ALK: variants seen among roughly 807,000 people sequenced by gnomAD.
The protein encoded by ALK is ALK tyrosine kinase receptor.
ALK carries 74 observed loss-of-function variants against 163.1 expected under a neutral mutation model. The observed-to-expected ratio is 0.45, with a 90% CI of 0.38 to 0.55. ALK has a LOEUF of 0.55. Among genes scored for constraint, ALK ranks in the 20% least tolerant of loss-of-function variants. ALK has a pLI of 0.00. For missense variants in ALK, 2,063 were observed against 2,105.3 expected, an observed-to-expected ratio of 0.98 and a Z score of 0.39; for synonymous variants, 960 against 843.2, an observed-to-expected ratio of 1.14 and a Z score of -2.40.
intron 4 of ALK, among the ~76,000 whole-genome samples, chr2:29,394,419 T>A (rs1467114074): frequency 6.6e-6 from 1 of 152,100 alleles, no homozygotes; most frequent in Admixed American, 6.5e-5. Flanking sequence ...TTTCTGTTTC[T>A]CTAAATTTTG....
intron 5 of ALK, among the ~76,000 whole-genome samples, chr2:29,382,995 A>G (rs1020470744): frequency 2.0e-5 from 3 of 152,156 alleles, no homozygotes; most frequent in Non-Finnish European, 4.4e-5. Flanking sequence ...CAGAGGCACA[A>G]AGTTCAAATC....
intron 6 of ALK, among the ~76,000 whole-genome samples, chr2:29,322,392 T>C (rs1667086892): frequency 2.6e-5 from 4 of 152,130 alleles, no homozygotes; most frequent in Admixed American, 2.6e-4. Context: ...GCCCCACATG[T>C]TTCTATGATT....
intron 1 of ALK, among the ~76,000 whole-genome samples, chr2:29,906,109 A>C (rs1007336525): frequency 6.7e-6 from 1 of 150,246 alleles, no homozygotes; most frequent in African/African-American, 2.4e-5. Context: ...ATCTGGGGCC[A>C]TGCTTTAAGA....
chr2:29,773,908 T>C (rs1572367811), intron 1 of ALK, among the ~76,000 whole-genome samples: 1 of 152,200 alleles, frequency 6.6e-6, no homozygotes, highest in Non-Finnish European at 1.5e-5. Context: ...ACTGGGATGG[T>C]GCCAGATTTA....
chr2:29,588,324 A>G (rs926028522), intron 3 of ALK, among the ~76,000 whole-genome samples: 1 of 152,228 alleles, frequency 6.6e-6, no homozygotes, highest in South Asian at 2.1e-4. Context: ...CCCACCCACC[A>G]GGTTCAAGCG....
intron 5 of ALK, among the ~76,000 whole-genome samples, chr2:29,339,370 G>T (rs1288199152): frequency 6.6e-6 from 1 of 152,194 alleles, no homozygotes; most frequent in African/African-American, 2.4e-5. Flanking sequence ...GGGTGTGAAA[G>T]GATGTTCCTG....
chr2:29,810,750 T>G (rs1167989379), intron 1 of ALK, among the ~76,000 whole-genome samples: 1 of 152,134 alleles, frequency 6.6e-6, no homozygotes, highest in Non-Finnish European at 1.5e-5. Context: ...ACATTATGGA[T>G]TGAATTGTGT....
At chr2:29,756,184 C>CT (rs1447168913) in intron 1 of ALK, among the ~76,000 whole-genome samples, 2 of 152,336 alleles carry the variant, frequency 1.3e-5, no homozygotes, top group South Asian at 2.1e-4. Flanking sequence ...CAATTCTCTT[C>CT]TTCCCCCTTT....
At chr2:29,207,301 A>G in intron 25 of ALK, 29 bp from the exon 26 acceptor site, 1 of 1,553,724 alleles carries the variant, frequency 6.4e-7, no homozygotes, top group African/African-American at 1.4e-5. Context: ...AAACCAAACT[A>G]GGATCTGGAG....
At chr2:29,314,206 G>T (rs1341210095) in intron 8 of ALK, among the ~76,000 whole-genome samples, 1 of 152,136 alleles carries the variant, frequency 6.6e-6, no homozygotes, top group Non-Finnish European at 1.5e-5. Context: ...TTTGAGAAGG[G>T]CTTCAGGGAT....
intron 11 of ALK, among the ~76,000 whole-genome samples, chr2:29,269,698 T>C (rs1665327079): frequency 6.6e-6 from 1 of 152,158 alleles, no homozygotes. Flanking sequence ...ACACAGAGCA[T>C]GAGGTTAATC....
At chr2:29,271,909 C>T (rs1422659672) in intron 11 of ALK, among the ~76,000 whole-genome samples, 4 of 152,164 alleles carry the variant, frequency 2.6e-5, no homozygotes, top group Admixed American at 6.5e-5. Context: ...AAAGTTTGGG[C>T]GGGTTCTCCC....
chr2:29,889,556 GGAGAGAAAGTGACAGCC>G (rs949539962), intron 1 of ALK, among the ~76,000 whole-genome samples: 1 of 151,980 alleles, frequency 6.6e-6, no homozygotes, highest in African/African-American at 2.4e-5. Context: ...GGGAGGCTGT[GGAGAGAAAGTGACAGCC>G]GAGAGAAAGT....
Position 29,227,546 on chromosome 2 carries a change from T to A in ALK, c.2914+28A>T. 2 of 1,588,020 alleles carry A rather than the reference T, an allele frequency of 1.3e-6. No individual in the cohort carries two copies. The highest frequency in any genetic ancestry group is 1.7e-6 in the Non-Finnish European group (2 of 1,156,250). ...GGTGGGAGGACTGACCTAAGCAAGT[T>A]TGTTCTGCTGCCTGGCAGAGAAGCT... On this transcript the variant is annotated intron_variant, in intron 17 of 28. Transcript: ENST00000389048. This position sits in a 1 kb window ranked among gnomAD's most constrained non-coding sequence, Gnocchi z 4.4.
intron 4 of ALK, among the ~76,000 whole-genome samples, chr2:29,481,986 C>T (rs1425432833): frequency 6.6e-6 from 1 of 152,214 alleles, no homozygotes; most frequent in Non-Finnish European, 1.5e-5. Context: ...ATGATCAGTG[C>T]AGTGGACCTA....
At chr2:29,364,213 A>G (rs1441530256) in intron 5 of ALK, among the ~76,000 whole-genome samples, 1 of 152,202 alleles carries the variant, frequency 6.6e-6, no homozygotes, top group East Asian at 1.9e-4. Flanking sequence ...TGGTGTTTTC[A>G]GACCCAGAAA....
At chr2:29,395,793 G>C (rs958173014) in intron 4 of ALK, among the ~76,000 whole-genome samples, 18 of 152,178 alleles carry the variant, frequency 1.2e-4, no homozygotes, top group African/African-American at 4.3e-4. Flanking sequence ...AAGAGACCAA[G>C]AAGAATCCAA....
chr2:29,207,498 G>A (rs1669343382), intron 25 of ALK, among the ~76,000 whole-genome samples: 1 of 152,228 alleles, frequency 6.6e-6, no homozygotes, highest in African/African-American at 2.4e-5. Context: ...AGAGGCATGA[G>A]AGGAATGATC....
rs1572395125 is a variant in ALK, at chr2:29,807,121, T to C, written c.668-89424A>G. Among the ~76,000 whole-genome samples, 5 of 152,304 alleles carry C rather than the reference T, an allele frequency of 3.3e-5. No individual in the cohort carries two copies. In the South Asian group the frequency reaches 1.0e-3, roughly 32 times the overall value. On this transcript the variant is annotated intron_variant, in intron 1 of 28. Coordinates refer to ENST00000389048, the MANE Select transcript of ALK (RefSeq NM_004304.5). ...CTTTAACTTTCTTAAAGCCCACAAA[T>C]AGTGCCTTGAGTCTTTATGGCAAGT...
Sources: allele counts gnomAD v4.1 joint callset (sites outside exome capture counted in the v4.1 genomes callset), GRCh38; gene constraint gnomAD v4.1.1; non-coding constraint Gnocchi (gnomAD v3.1); transcripts MANE v1.5; gene names NCBI Gene and HGNC (gene_info 2026-07-23, HGNC 2026-07-21).